REM1: variants seen among roughly 807,000 people sequenced by gnomAD.
The protein encoded by REM1 is RRAD and GEM like GTPase 1.
Under a neutral mutation model 27.0 loss-of-function variants are expected in REM1, and 20 were observed. The ratio of observed to expected loss-of-function variants is 0.74; its 90% CI spans 0.52 to 1.08. REM1 has a LOEUF of 1.08. Among genes scored for constraint, REM1 ranks in the 50% least tolerant of loss-of-function variants. REM1 has a pLI of 0.00. For missense variants in REM1, 405 were observed against 407.0 expected (o/e 1.00, Z 0.04); for synonymous variants, 159 against 167.9 (o/e 0.95, Z 0.41).
chr20:31,477,876 T>C lies in REM1; in HGVS notation c.389T>C (p.Leu130Pro), dbSNP rs759432931. ...TLTVDGEDTT[L>P]VVVDTWEAEK... is the part of the protein sequence containing the mutation. ...ACGGTGGATGGAGAAGACACCACAC[T>C]GGTGGTCGTGGACACCTGGGAGGCC... Residue 130 changes from leucine (L) to proline (P), a missense_variant, in exon 3 of 5, where the codon CTG (leucine) becomes CCG (proline). Physicochemically the swap from Leu to Pro is moderately conservative, Grantham distance 98. Coordinates refer to ENST00000201979, the MANE Select transcript of REM1 (RefSeq NM_014012.6). The C allele has an allele frequency of 3.1e-6, 5 of 1,612,722 alleles. No homozygotes were observed. Among genetic ancestry groups the C allele is most frequent in the Non-Finnish European group, 4.2e-6 (5 of 1,179,504 alleles).
chr20:31,481,424 C>T (rs966545286), intron 3 of REM1, among the ~76,000 whole-genome samples: 2 of 152,026 alleles, frequency 1.3e-5, no homozygotes, highest in African/African-American at 4.8e-5. Flanking sequence ...TAACCCCATT[C>T]GCCAGTCCCC....
At chr20:31,477,678 TAC>T (rs1980566004) in intron 2 of REM1, 148 bp from the exon 3 acceptor site, 1 of 615,534 alleles carries the variant, frequency 1.6e-6, no homozygotes. Flanking sequence ...CATGGGCTCC[TAC>T]CAGGAGAGAC....
chr20:31,482,425 G>A lies in REM1; in HGVS notation c.562G>A (p.Val188Met), dbSNP rs1453538735. 1.2e-6 allele frequency: 2 copies of A among 1,614,186 alleles called. No individual in the cohort carries two copies. The highest frequency in any genetic ancestry group is 4.5e-5 in the East Asian group (2 of 44,882). ...GCGGCGCACACATCAGGCAGACCATGTGCCCATCATCCTCGTGGGCAACAA... is the reference window on the plus strand; with the variant it reads ...GCGGCGCACACATCAGGCAGACCATATGCCCATCATCCTCGTGGGCAACAA... ...QLRRTHQADH[V>M]PIILVGNKAD... Residue 188 changes from valine (V) to methionine (M), a missense_variant, in exon 4 of 5, where the codon GTG becomes ATG. Physicochemically the swap from Val to Met is conservative, Grantham distance 21 (BLOSUM62 1). Transcript: ENST00000201979.
At position 31,484,545 on chromosome 20, in the gene REM1, C is replaced by A; in HGVS notation, c.*115C>A. ...GAGTCTGCATCATGGGTCTTGCTTG[C>A]CTGCTGCCCTGATGGCCTGAGCATC... On this transcript the variant is annotated 3_prime_UTR_variant, in exon 5 of 5. Transcript: ENST00000201979. 7.9e-7 allele frequency: 1 copy of A among 1,267,254 alleles called. No homozygotes were observed. The highest frequency in any genetic ancestry group is 1.0e-6 in the Non-Finnish European group (1 of 961,072). 78.5% of individuals were successfully genotyped at this position (1,267,254 alleles called of 1,614,324 possible).
At chr20:31,479,990 A>C (rs1000921203) in intron 3 of REM1, among the ~76,000 whole-genome samples, 1 of 152,062 alleles carries the variant, frequency 6.6e-6, no homozygotes, top group Non-Finnish European at 1.5e-5. Context: ...TCAGGAGGCT[A>C]AGGCGGGAGA....
intron 4 of REM1, among the ~76,000 whole-genome samples, chr20:31,483,257 G>A (rs190681533): frequency 1.0e-3 from 158 of 152,246 alleles, no homozygotes; most frequent in Non-Finnish European, 1.8e-3. Flanking sequence ...CCAAGACCAC[G>A]CCACTGCACT....
Position 31,476,773 on chromosome 20 carries a change from G to A in REM1, c.328G>A (p.Glu110Lys). The change falls in exon 2 of 5, where the codon GAA becomes AAA. Residue 110 changes from glutamate (E) to lysine (K), a missense_variant. Coordinates refer to ENST00000201979, the MANE Select transcript of REM1 (RefSeq NM_014012.6). ...AGGGAAGCAAGAGAGGGACCTCCAT[G>A]AACAGCTGGGAGGTAGGGGCCATAT... Reference protein sequence around the residue: ...FAGKQERDLHEQLGEDVYERT... With the variant: ...FAGKQERDLHKQLGEDVYERT... 1 of 1,608,816 alleles carries A rather than the reference G, an allele frequency of 6.2e-7. No individual in the cohort carries two copies. Among genetic ancestry groups the A allele is most frequent in the East Asian group, 2.2e-5 (1 of 44,842 alleles).
In REM1 at chr20:31,484,486, G is replaced by A. The variant is rs773415476; in HGVS notation, c.*56G>A. The A allele has an allele frequency of 4.2e-6, 6 of 1,432,920 alleles. No individual in the cohort carries two copies. The highest frequency in any genetic ancestry group is 5.5e-6 in the Non-Finnish European group (6 of 1,091,776). 88.8% of individuals were successfully genotyped at this position (1,432,920 alleles called of 1,614,324 possible). A position where few individuals can be genotyped will look rare whatever the true frequency, so the allele number is the denominator to read the frequency against. Reference sequence around the variant, plus strand: ...CACTGAGGTGCATTCTGGGCTCCAGGGACGCCACTGCGGGGCAAAGGCGCC... The same window carrying A: ...CACTGAGGTGCATTCTGGGCTCCAGAGACGCCACTGCGGGGCAAAGGCGCC... On this transcript the variant is annotated 3_prime_UTR_variant, in exon 5 of 5. Transcript: ENST00000201979.
rs762832950 is a variant in REM1 at position 31,484,311 on chromosome 20, C to A, written c.778C>A (p.Arg260=). 5.7e-6 allele frequency: 9 copies of A among 1,577,822 alleles called. No individual in the cohort carries two copies. In the East Asian group the frequency reaches 6.9e-5, roughly 12 times the overall value. The change falls in exon 5 of 5, where the codon CGG becomes AGG. Residue 260 remains arginine (R), a synonymous_variant. Transcript: ENST00000201979. Reference sequence around the variant, plus strand: ...GGCCAAGGAACCCCCAGCACCCCGACGGCCGGCCAGCCTAGCCCAGCGCGC... The same window carrying A: ...GGCCAAGGAACCCCCAGCACCCCGAAGGCCGGCCAGCCTAGCCCAGCGCGC... The part of the protein sequence containing the change: ...SAAKEPPAPR[R]PASLAQRARR...
chr20:31,476,305 A>G lies in REM1; in HGVS notation c.-141A>G. Reference sequence around the variant, plus strand: ...TGAGGCACCTCCTACTCCCATCTGAACAAGAGGGGGATCTGGAAGAAGCCA... The same window carrying G: ...TGAGGCACCTCCTACTCCCATCTGAGCAAGAGGGGGATCTGGAAGAAGCCA... On this transcript the variant is annotated 5_prime_UTR_variant, in exon 2 of 5. Transcript: ENST00000201979. 1.4e-6 allele frequency: 1 copy of G among 705,172 alleles called. No individual in the cohort carries two copies. The highest frequency in any genetic ancestry group is 1.9e-5 in the South Asian group (1 of 52,036). 43.7% of individuals were successfully genotyped at this position (705,172 alleles called of 1,614,324 possible).
chr20:31,483,774 CAAAAAAAAAAA>C (rs549633656), intron 4 of REM1, among the ~76,000 whole-genome samples: 1 of 102,530 alleles, frequency 9.8e-6, no homozygotes, highest in South Asian at 3.9e-4. Context: ...AACAGACATC[CAAAAAAAAAAA>C]AAAAAAAAAC....
intron 4 of REM1, among the ~76,000 whole-genome samples, chr20:31,482,782 C>T (rs1201839018): frequency 6.6e-6 from 1 of 152,150 alleles, no homozygotes; most frequent in Non-Finnish European, 1.5e-5. Context: ...TCAATTATTC[C>T]TCCTTGCCAC....
At position 31,484,242 on chromosome 20, in the gene REM1, G is replaced by T. The variant is rs1205468302; in HGVS notation, c.709G>T (p.Glu237Ter). ...TLQHNVAELF[E>*]GVVRQLRLRR... ...GCAGCACAATGTGGCCGAGCTCTTC[G>T]AGGGCGTGGTGCGCCAACTGCGCTT... The change falls in exon 5 of 5, where the codon GAG (glutamate) becomes TAG (stop). Residue 237 changes from glutamate to a stop codon, truncating the protein, a stop_gained. Coordinates refer to ENST00000201979, the MANE Select transcript of REM1 (RefSeq NM_014012.6). LOFTEE classifies it high-confidence loss of function. 1 of 1,606,126 alleles carries T rather than the reference G, an allele frequency of 6.2e-7. No homozygotes were observed. Among genetic ancestry groups the T allele is most frequent in the African/African-American group, 1.3e-5 (1 of 74,864 alleles).
chr20:31,475,422 G>A lies in REM1; in HGVS notation c.-220+56G>A, dbSNP rs557699701. The A allele has an allele frequency of 6.6e-6, 1 of 152,524 alleles. No homozygotes were observed. The highest frequency in any genetic ancestry group is 1.9e-4 in the East Asian group (1 of 5,188). The allele number at this position is 152,524 out of a possible 1,614,324, so 9.4% of individuals were successfully genotyped here. A position where few individuals can be genotyped will look rare whatever the true frequency, so the allele number is the denominator to read the frequency against. ...GCTCAAGTTGGAGCAGAGTTCGCCAGGCGATTGAAGGGGGATTCGGCAGCG... is the reference window on the plus strand; with the variant it reads ...GCTCAAGTTGGAGCAGAGTTCGCCAAGCGATTGAAGGGGGATTCGGCAGCG... On this transcript the variant is annotated intron_variant, in intron 1 of 4. Coordinates refer to ENST00000201979, the MANE Select transcript of REM1 (RefSeq NM_014012.6). The surrounding 1 kb of genome is among the most constrained non-coding windows in gnomAD (Gnocchi z 5.0).
intron 2 of REM1, 158 bp from the exon 3 acceptor site, chr20:31,477,670 T>A (rs982497920): frequency 6.5e-6 from 1 of 154,836 alleles, no homozygotes; most frequent in Non-Finnish European, 1.4e-5. Flanking sequence ...TGGGGAGACA[T>A]GGGCTCCTAC....
intron 3 of REM1, among the ~76,000 whole-genome samples, chr20:31,480,220 TAGATAGATAGAC>T (rs1815946937): frequency 1.6e-5 from 2 of 128,394 alleles, no homozygotes; most frequent in South Asian, 2.4e-4. Flanking sequence ...GATAGATAGA[TAGATAGATAGAC>T]AGATACATAC....
rs1288701791 is a variant in REM1, at chr20:31,480,228, T to TAGAC, written c.424-2055_424-2052dup. 4.3e-3 allele frequency among the ~76,000 whole-genome samples: 520 copies of TAGAC among 121,102 alleles called. 1 individual carries two copies. Among genetic ancestry groups the TAGAC allele is most frequent in the African/African-American group, 0.015 (391 of 26,750 alleles). The allele number at this position is 121,102 out of a possible 152,430, so 79.4% of individuals were successfully genotyped here. A position where few individuals can be genotyped will look rare whatever the true frequency, so the allele number is the denominator to read the frequency against. On this transcript the variant is annotated intron_variant, in intron 3 of 4. Coordinates refer to ENST00000201979, the MANE Select transcript of REM1 (RefSeq NM_014012.6). ...ATAGATAGATAGATAGATAGATAGA[T>TAGAC]AGACAGATACATACATACACACATA...
chr20:31,478,270 T>A (rs1240293370), intron 3 of REM1, among the ~76,000 whole-genome samples: 1 of 151,998 alleles, frequency 6.6e-6, no homozygotes, highest in Non-Finnish European at 1.5e-5. Flanking sequence ...TTCTTTTTCT[T>A]ACTAGTTGTG....
chr20:31,480,232 C>T (rs139527122), intron 3 of REM1, among the ~76,000 whole-genome samples: 5,351 of 109,668 alleles, frequency 0.049, 111 homozygotes, highest in African/African-American at 0.075. Flanking sequence ...GATAGATAGA[C>T]AGATACATAC....
Sources: allele counts gnomAD v4.1 joint callset (sites outside exome capture counted in the v4.1 genomes callset), GRCh38; gene constraint gnomAD v4.1.1; non-coding constraint Gnocchi (gnomAD v3.1); transcripts MANE v1.5; gene names NCBI Gene and HGNC (gene_info 2026-07-23, HGNC 2026-07-21).